Variants in CCBE1 observed in about 807,000 individuals in gnomAD.
The protein encoded by CCBE1 is collagen and calcium binding EGF domains 1.
CCBE1 carries 37 observed loss-of-function variants against 50.0 expected under a neutral mutation model. That is an observed-to-expected ratio of 0.74 (90% CI 0.57 to 0.97). CCBE1 has a LOEUF of 0.97. Among genes scored for constraint, CCBE1 ranks in the 50% least tolerant of loss-of-function variants. CCBE1 has a pLI of 0.00. For synonymous variants in CCBE1, 234 were observed against 203.7 expected, an observed-to-expected ratio of 1.15 and a Z score of -1.27; for missense variants, 538 against 523.8, an observed-to-expected ratio of 1.03 and a Z score of -0.26.
chr18:59,452,528 GGTTGCA>G (rs1910987959), intron 6 of CCBE1, among the ~76,000 whole-genome samples: 2 of 152,192 alleles, frequency 1.3e-5, no homozygotes, highest in South Asian at 4.1e-4. Context: ...GGGAGGCAGA[GGTTGCA>G]GTGAGCAGAG....
intron 2 of CCBE1, among the ~76,000 whole-genome samples, chr18:59,570,899 T>TTTAC (rs376986904): frequency 1.4e-4 from 21 of 151,990 alleles, no homozygotes; most frequent in Non-Finnish European, 2.2e-4. Context: ...CTGTCATTTA[T>TTTAC]ATGGTCCCCT....
At chr18:59,483,708 CCACTT>C (rs1187234509) in intron 2 of CCBE1, among the ~76,000 whole-genome samples, 2 of 152,144 alleles carry the variant, frequency 1.3e-5, no homozygotes, top group Non-Finnish European at 2.9e-5. Flanking sequence ...AACAGCAACT[CCACTT>C]CATTCCTCTC....
At chr18:59,624,809 C>A (rs928879074) in intron 2 of CCBE1, among the ~76,000 whole-genome samples, 25 of 152,216 alleles carry the variant, frequency 1.6e-4, no homozygotes, top group Non-Finnish European at 3.5e-4. Context: ...TTTACCAAAC[C>A]TCAGTTATCC....
At chr18:59,618,311 T>G (rs577300706) in intron 2 of CCBE1, among the ~76,000 whole-genome samples, 1 of 152,142 alleles carries the variant, frequency 6.6e-6, no homozygotes, top group Non-Finnish European at 1.5e-5. Context: ...TAAATTAAGA[T>G]GTTTTCCACA....
At chr18:59,536,187 T>C (rs1323283641) in intron 2 of CCBE1, among the ~76,000 whole-genome samples, 1 of 152,246 alleles carries the variant, frequency 6.6e-6, no homozygotes, top group Non-Finnish European at 1.5e-5. Flanking sequence ...TTACTAATAG[T>C]GAAACTTTGA....
At chr18:59,509,392 A>C (rs932708230) in intron 2 of CCBE1, among the ~76,000 whole-genome samples, 1 of 152,234 alleles carries the variant, frequency 6.6e-6, no homozygotes, top group African/African-American at 2.4e-5. Context: ...CAAGAATTTT[A>C]ATGATACTAT....
At chr18:59,573,375 A>G (rs1052161801) in intron 2 of CCBE1, among the ~76,000 whole-genome samples, 5 of 144,728 alleles carry the variant, frequency 3.5e-5, no homozygotes, top group African/African-American at 1.3e-4. Flanking sequence ...CTGAGGAAAA[A>G]CTCCTACCTC....
intron 2 of CCBE1, among the ~76,000 whole-genome samples, chr18:59,508,202 C>A (rs1214823906): frequency 1.3e-5 from 2 of 151,186 alleles, no homozygotes; most frequent in Non-Finnish European, 2.9e-5. Context: ...TTAATTAGTA[C>A]TTCTCTTGGA....
At position 59,697,321 on chromosome 18, in the gene CCBE1, G is replaced by A. The variant is rs1174227505; in HGVS notation, c.22C>T (p.Arg8Trp). ...AGCTGGCCCCTGGCAGCTCCTCCCC[G>A]GCTCGGAGGCGGCGGCACCATCAGG... Reference protein sequence around the residue: MVPPPPSRGGAARGQLGR... With the variant: MVPPPPSWGGAARGQLGR... The change falls in exon 1 of 11, where the codon CGG (arginine) becomes TGG (tryptophan). Residue 8 changes from arginine (R) to tryptophan (W), a missense_variant. Coordinates refer to ENST00000439986, the MANE Select transcript of CCBE1 (RefSeq NM_133459.4). 3 of 1,548,280 alleles carry A rather than the reference G, an allele frequency of 1.9e-6. No individual in the cohort carries two copies. In the South Asian group the frequency reaches 3.6e-5, roughly 18 times the overall value.
At chr18:59,656,530 G>T (rs1048342313) in intron 2 of CCBE1, among the ~76,000 whole-genome samples, 13 of 152,152 alleles carry the variant, frequency 8.5e-5, no homozygotes, top group Admixed American at 1.3e-4. Flanking sequence ...GCTTTAAATT[G>T]TTCTTAAAGG....
At chr18:59,619,198 A>C (rs2053679015) in intron 2 of CCBE1, among the ~76,000 whole-genome samples, 1 of 152,236 alleles carries the variant, frequency 6.6e-6, no homozygotes, top group African/African-American at 2.4e-5. Context: ...CTAAAATAAA[A>C]TTTTAAAACG....
At chr18:59,665,533 T>C (rs1177093334) in intron 2 of CCBE1, among the ~76,000 whole-genome samples, 2 of 152,236 alleles carry the variant, frequency 1.3e-5, no homozygotes, top group African/African-American at 4.8e-5. Flanking sequence ...CACCAATTTA[T>C]CTGGCTGTTC....
intron 2 of CCBE1, among the ~76,000 whole-genome samples, chr18:59,588,301 C>T (rs896686413): frequency 6.6e-6 from 1 of 152,080 alleles, no homozygotes; most frequent in African/African-American, 2.4e-5. Flanking sequence ...GTGGTGCATG[C>T]CTGTAATCTT....
chr18:59,449,593 C>T (rs1910834907), intron 6 of CCBE1, among the ~76,000 whole-genome samples: 1 of 144,558 alleles, frequency 6.9e-6, no homozygotes. Context: ...CTGCACTCCA[C>T]TCCAGCCTGG....
intron 2 of CCBE1, among the ~76,000 whole-genome samples, chr18:59,630,700 G>C (rs2053838980): frequency 2.0e-5 from 3 of 152,158 alleles, no homozygotes; most frequent in Non-Finnish European, 2.9e-5. Flanking sequence ...CCTAAGTGGT[G>C]GATCTAGGCT....
intron 2 of CCBE1, among the ~76,000 whole-genome samples, chr18:59,601,801 C>G (rs1340514272): frequency 6.6e-6 from 1 of 152,196 alleles, no homozygotes; most frequent in Non-Finnish European, 1.5e-5. Flanking sequence ...GGAGTGCATT[C>G]TTTTGTTGAG....
chr18:59,577,218 G>A (rs2053011315), intron 2 of CCBE1, among the ~76,000 whole-genome samples: 1 of 152,328 alleles, frequency 6.6e-6, no homozygotes, highest in East Asian at 1.9e-4. Flanking sequence ...ACATATGATT[G>A]GGGCCATGCG....
intron 2 of CCBE1, among the ~76,000 whole-genome samples, chr18:59,543,850 A>AAAAAAAAAAAAAAAAAAAAAAAAAAG (rs1915578124): frequency 7.6e-6 from 1 of 131,432 alleles, no homozygotes; most frequent in Admixed American, 7.8e-5. Flanking sequence ...AAAAAAAAAA[A>AAAAAAAAAAAAAAAAAAAAAAAAAAG]AAAAAAAACA....
At chr18:59,581,698 G>A (rs935417524) in intron 2 of CCBE1, among the ~76,000 whole-genome samples, 24 of 152,158 alleles carry the variant, frequency 1.6e-4, no homozygotes, top group African/African-American at 5.1e-4. Context: ...TATTACTTAC[G>A]TTGGGGCCAG....
Sources: gnomAD v4.1 joint callset for allele counts (sites outside exome capture counted in the v4.1 genomes callset) on GRCh38, gnomAD v4.1.1 for gene constraint, MANE v1.5 for transcripts, NCBI Gene and HGNC (gene_info 2026-07-23, HGNC 2026-07-21) for gene names.